FOCAD: variants seen among roughly 807,000 people sequenced by gnomAD.
The protein encoded by FOCAD is KIAA1797.
Under a neutral mutation model 225.6 loss-of-function variants are expected in FOCAD, and 198 were observed. The ratio of observed to expected loss-of-function variants is 0.88; its 90% CI spans 0.78 to 0.99. The LOEUF is 0.99. FOCAD is among the 50% of genes least tolerant of loss of function. The pLI, the probability that FOCAD is intolerant of heterozygous loss-of-function variation, is 0.00. For synonymous variants in FOCAD, 897 were observed against 755.0 expected (o/e 1.19, Z -3.08); for missense variants, 2,713 against 2,123.6 (o/e 1.28, Z -5.46).
intron 11 of FOCAD, among the ~76,000 whole-genome samples, chr9:20,807,730 T>C (rs982610432): frequency 6.6e-6 from 1 of 152,144 alleles, no homozygotes; most frequent in African/African-American, 2.4e-5. Flanking sequence ...GCTCACTTTT[T>C]CAATATAAAT....
intron 5 of FOCAD, among the ~76,000 whole-genome samples, chr9:20,757,410 T>G (rs1829154914): frequency 6.6e-6 from 1 of 152,238 alleles, no homozygotes; most frequent in African/African-American, 2.4e-5. Flanking sequence ...TAAACCCCAT[T>G]CTTTGAGAAT....
chr9:20,798,879 G>C (rs1821450501), intron 11 of FOCAD, among the ~76,000 whole-genome samples: 1 of 151,776 alleles, frequency 6.6e-6, no homozygotes, highest in African/African-American at 2.4e-5. Flanking sequence ...GTTATTTCTT[G>C]CCTTTGCTAG....
chr9:20,891,427 T>C (rs1199589502), intron 21 of FOCAD, among the ~76,000 whole-genome samples: 1 of 152,180 alleles, frequency 6.6e-6, no homozygotes, highest in Non-Finnish European at 1.5e-5. Context: ...ACAGCCAATT[T>C]TGAATGCAAA....
At chr9:20,935,103 A>G (rs998270048) in intron 28 of FOCAD, among the ~76,000 whole-genome samples, 3 of 152,208 alleles carry the variant, frequency 2.0e-5, no homozygotes, top group Admixed American at 6.5e-5. Context: ...CATTCTACAC[A>G]GAACTAGATA....
intron 11 of FOCAD, among the ~76,000 whole-genome samples, chr9:20,807,967 C>G (rs544885994): frequency 2.8e-4 from 42 of 152,094 alleles, no homozygotes; most frequent in African/African-American, 9.9e-4. Flanking sequence ...ATGAGAATCG[C>G]TTGAACCCAG....
intron 11 of FOCAD, among the ~76,000 whole-genome samples, chr9:20,799,228 G>C (rs1018031104): frequency 5.3e-5 from 8 of 152,008 alleles, no homozygotes; most frequent in East Asian, 1.9e-4. Flanking sequence ...GTTATAATTT[G>C]TGTTCTTTTA....
At chr9:20,705,151 C>A (rs896269970) in intron 1 of FOCAD, among the ~76,000 whole-genome samples, 3 of 152,118 alleles carry the variant, frequency 2.0e-5, no homozygotes, top group African/African-American at 7.2e-5. Flanking sequence ...TAGAATATTG[C>A]CTTTCCCCTA....
At chr9:20,792,050 G>A (rs1477957987) in intron 11 of FOCAD, among the ~76,000 whole-genome samples, 1 of 152,158 alleles carries the variant, frequency 6.6e-6, no homozygotes, top group Non-Finnish European at 1.5e-5. Flanking sequence ...TGGCCACCTG[G>A]TATGTAGAAG....
intron 15 of FOCAD, among the ~76,000 whole-genome samples, chr9:20,832,413 T>C (rs928397548): frequency 3.3e-5 from 5 of 152,042 alleles, no homozygotes; most frequent in Non-Finnish European, 7.4e-5. Flanking sequence ...TTTTAATTTT[T>C]GTGGGTATAT....
chr9:20,679,644 AG>A (rs1822341193), upstream of FOCAD, among the ~76,000 whole-genome samples: 1 of 152,150 alleles, frequency 6.6e-6, no homozygotes, highest in Non-Finnish European at 1.5e-5. Context: ...GCTTATCTAA[AG>A]GGTCTTATAC....
intron 1 of FOCAD, among the ~76,000 whole-genome samples, chr9:20,702,437 G>A (rs893308399): frequency 6.6e-6 from 1 of 152,128 alleles, no homozygotes; most frequent in Non-Finnish European, 1.5e-5. Context: ...TAAGTCAACT[G>A]TATCTATACT....
At chr9:20,854,834 C>A (rs926172866) in intron 15 of FOCAD, among the ~76,000 whole-genome samples, 2 of 151,828 alleles carry the variant, frequency 1.3e-5, no homozygotes, top group African/African-American at 4.8e-5. Context: ...TGATTGATTA[C>A]ATGTTTTGCC....
chr9:20,778,550 G>A, intron 8 of FOCAD, 131 bp from the exon 9 acceptor site: 1 of 567,990 alleles, frequency 1.8e-6, no homozygotes, highest in Middle Eastern at 2.9e-4. Flanking sequence ...GAGCACACTT[G>A]CTGTATAAAT....
In FOCAD at chr9:20,919,022, TA is replaced by T. The variant is rs539275971; in HGVS notation, c.2852+2088del. 1.2e-4 allele frequency among the ~76,000 whole-genome samples: 19 copies of T among 152,180 alleles called. No homozygotes were observed. The East Asian group carries it at 3.1e-3, about 25-fold the overall frequency. On this transcript the variant is annotated intron_variant, in intron 24 of 43. Transcript: ENST00000338382. ...GCTTGTTTTGTTCAGAGCTAGAAGTTAAATGCAAAAAGTGACATACCAATCA... is the reference window on the plus strand; with the variant it reads ...GCTTGTTTTGTTCAGAGCTAGAAGTTAATGCAAAAAGTGACATACCAATCA...
At chr9:20,777,789 A>C (rs549539231) in intron 8 of FOCAD, among the ~76,000 whole-genome samples, 1 of 152,094 alleles carries the variant, frequency 6.6e-6, no homozygotes, top group Admixed American at 6.5e-5. Context: ...ATTTTAGGCA[A>C]CTTTCAATGG....
chr9:20,881,256 G>A (rs1405939956), intron 19 of FOCAD, among the ~76,000 whole-genome samples: 1 of 152,196 alleles, frequency 6.6e-6, no homozygotes, highest in Non-Finnish European at 1.5e-5. Flanking sequence ...TATCAACTTT[G>A]TGTTTTTGAG....
At chr9:20,822,002 A>G (rs796694806) in intron 14 of FOCAD, among the ~76,000 whole-genome samples, 32 of 146,538 alleles carry the variant, frequency 2.2e-4, no homozygotes, top group African/African-American at 7.9e-4. Context: ...TTACTAAAAA[A>G]AAAAAAAAAA....
intron 2 of FOCAD, 83 bp downstream of exon 2, chr9:20,715,493 T>C: frequency 3.5e-6 from 2 of 575,604 alleles, no homozygotes; most frequent in Non-Finnish European, 2.6e-6. Context: ...ATATTTAATA[T>C]TAAATATTTT....
At chr9:20,740,366 TAAACAAA>T in intron 5 of FOCAD, 26 bp downstream of exon 5, 3 of 1,243,690 alleles carry the variant, frequency 2.4e-6, no homozygotes, top group Non-Finnish European at 3.4e-6. Flanking sequence ...GTTTTTTTTT[TAAACAAA>T]TATGAATTTT....
Sources: gnomAD v4.1 joint callset for allele counts (sites outside exome capture counted in the v4.1 genomes callset) on GRCh38, gnomAD v4.1.1 for gene constraint, MANE v1.5 for transcripts, NCBI Gene and HGNC (gene_info 2026-07-23, HGNC 2026-07-21) for gene names.